The following CCSER1 variants were observed in gnomAD, a reference collection of about 807,000 sequenced individuals.
The protein encoded by CCSER1 is coiled-coil serine rich protein 1, also known as serine-rich coiled-coil domain-containing protein 1.
Under a neutral mutation model 82.0 loss-of-function variants are expected in CCSER1, and 41 were observed. That is an observed-to-expected ratio of 0.50 (90% confidence interval 0.39 to 0.65). The LOEUF is 0.65. Ranked by LOEUF, CCSER1 falls within the 30% of genes least tolerant of loss-of-function variation. The pLI is 0.00. For synonymous variants in CCSER1, 414 were observed against 383.9 expected, an observed-to-expected ratio of 1.08 and a Z score of -0.92; for missense variants, 1,119 against 1,064.2, an observed-to-expected ratio of 1.05 and a Z score of -0.72.
chr4:91,597,633 T>A (rs1764646652), intron 10 of CCSER1, among the ~76,000 whole-genome samples: 1 of 152,112 alleles, frequency 6.6e-6, no homozygotes, highest in South Asian at 2.1e-4. Flanking sequence ...GTAATATTAA[T>A]CAAACAAAAA....
intron 5 of CCSER1, among the ~76,000 whole-genome samples, chr4:90,582,751 C>G (rs903076273): frequency 2.0e-5 from 3 of 152,110 alleles, no homozygotes; most frequent in African/African-American, 4.8e-5. Flanking sequence ...TTTAAAGTAA[C>G]CCTTTTCAGG....
chr4:91,378,759 T>C (rs1750636957), intron 10 of CCSER1, among the ~76,000 whole-genome samples: 1 of 152,182 alleles, frequency 6.6e-6, no homozygotes, highest in South Asian at 2.1e-4. Context: ...TCCTGCCTTA[T>C]TGCCCTGGCC....
At chr4:90,191,865 T>A (rs1338433670) in intron 1 of CCSER1, among the ~76,000 whole-genome samples, 1 of 152,110 alleles carries the variant, frequency 6.6e-6, no homozygotes, top group African/African-American at 2.4e-5. Flanking sequence ...AATGTGTTAA[T>A]CTGTGACTTT....
chr4:91,598,937 C>G lies in CCSER1; in HGVS notation c.2583C>G (p.Gly861=), dbSNP rs747210562. 1.9e-6 allele frequency: 3 copies of G among 1,551,556 alleles called. No homozygotes were observed. The highest frequency in any genetic ancestry group is 2.6e-6 in the Non-Finnish European group (3 of 1,146,896). Residue 861 remains glycine, a synonymous_variant, in exon 11 of 11, where the codon GGC becomes GGG. Transcript: ENST00000509176. The part of the protein sequence containing the change: ...ATARQHSTFT[G]RFGQPPRGPI... ...CCCGACAGCATTCGACCTTTACAGG[C>G]AGGTTTGGACAGCCACCCAGAGGGC...
rs1739008843 is a variant in CCSER1 at position 91,011,581 on chromosome 4, T to C, written c.2173-74369T>C. On this transcript the variant is annotated intron_variant, in intron 9 of 10. Coordinates refer to ENST00000509176, the MANE Select transcript of CCSER1 (RefSeq NM_001145065.2). ...TGACTCTAAGGCACCCCCTGGCAGC[T>C]TGGGCTCAGAGGACCAGGTTGTGTC... Among the ~76,000 whole-genome samples the C allele has an allele frequency of 1.5e-5, 2 of 134,520 alleles. 1 individual carries two copies. Among genetic ancestry groups the C allele is most frequent in the Admixed American group, 1.5e-4 (2 of 13,598 alleles). 88.3% of individuals were successfully genotyped at this position (134,520 alleles called of 152,430 possible). A position where few individuals can be genotyped will look rare whatever the true frequency, so the allele number is the denominator to read the frequency against.
intron 6 of CCSER1, among the ~76,000 whole-genome samples, chr4:90,691,644 T>C (rs1187614225): frequency 1.3e-5 from 2 of 151,950 alleles, no homozygotes; most frequent in East Asian, 1.9e-4. Context: ...ATATCACATG[T>C]ATATATACAC....
intron 5 of CCSER1, among the ~76,000 whole-genome samples, chr4:90,618,747 CATCTT>C (rs1462228370): frequency 3.3e-5 from 5 of 151,844 alleles, no homozygotes; most frequent in Non-Finnish European, 5.9e-5. Flanking sequence ...TGATGATTCT[CATCTT>C]ATTCTGTTAC....
At chr4:90,790,344 T>C (rs1580478719) in intron 7 of CCSER1, among the ~76,000 whole-genome samples, 1 of 152,172 alleles carries the variant, frequency 6.6e-6, no homozygotes, top group Non-Finnish European at 1.5e-5. Flanking sequence ...TAAAACATAA[T>C]TTATTGTTAT....
intron 7 of CCSER1, among the ~76,000 whole-genome samples, chr4:90,763,304 C>T (rs1580354932): frequency 6.6e-6 from 1 of 151,958 alleles, no homozygotes. Context: ...GACTACTAAT[C>T]TTACACAGCC....
intron 5 of CCSER1, among the ~76,000 whole-genome samples, chr4:90,565,771 G>T (rs775283748): frequency 6.6e-6 from 1 of 151,448 alleles, no homozygotes; most frequent in Non-Finnish European, 1.5e-5. Flanking sequence ...TGATTGTGTG[G>T]TTTTTGTCTG....
At chr4:91,523,553 C>A (rs552772287) in intron 10 of CCSER1, among the ~76,000 whole-genome samples, 2 of 152,208 alleles carry the variant, frequency 1.3e-5, no homozygotes, top group Admixed American at 6.5e-5. Context: ...GATTTCAGAG[C>A]CTGTTATTGG....
intron 6 of CCSER1, among the ~76,000 whole-genome samples, chr4:90,708,893 C>T (rs1308162991): frequency 1.3e-5 from 2 of 152,082 alleles, no homozygotes; most frequent in African/African-American, 4.8e-5. Flanking sequence ...CCTCAAACTC[C>T]TCAAGTGGTA....
intron 10 of CCSER1, among the ~76,000 whole-genome samples, chr4:91,176,432 G>A (rs1288206326): frequency 6.6e-6 from 1 of 152,140 alleles, no homozygotes; most frequent in Non-Finnish European, 1.5e-5. Flanking sequence ...CCATTTTCAC[G>A]ATATTGATTC....
In CCSER1 at chr4:90,318,549, G is replaced by A. The variant is rs558843614; in HGVS notation, c.1509+5502G>A. Among the ~76,000 whole-genome samples, 5 of 152,288 alleles carry A rather than the reference G, an allele frequency of 3.3e-5. No homozygotes were observed. In the East Asian group the frequency reaches 9.6e-4, roughly 29 times the overall value. On this transcript the variant is annotated intron_variant, in intron 3 of 10. Transcript: ENST00000509176. ...AGGACTTTGGTAGAAGAACAAATCC[G>A]ATTTATATTTGATTAATAAGAAGTA...
At chr4:90,811,908 TATACAC>T (rs1485905634) in intron 7 of CCSER1, among the ~76,000 whole-genome samples, 26 of 118,472 alleles carry the variant, frequency 2.2e-4, no homozygotes, top group Middle Eastern at 3.8e-3. Flanking sequence ...GGAATATATA[TATACAC>T]ACACACACAC....
intron 5 of CCSER1, among the ~76,000 whole-genome samples, chr4:90,620,251 T>C (rs1722061594): frequency 6.6e-6 from 1 of 152,132 alleles, no homozygotes; most frequent in Non-Finnish European, 1.5e-5. Flanking sequence ...CAAGTGTATT[T>C]AAAAATGTAA....
intron 9 of CCSER1, among the ~76,000 whole-genome samples, chr4:91,032,545 A>G (rs1246781268): frequency 2.0e-5 from 3 of 152,214 alleles, no homozygotes; most frequent in East Asian, 3.8e-4. Flanking sequence ...CATTCTTGTC[A>G]GACTTCAATT....
intron 10 of CCSER1, among the ~76,000 whole-genome samples, chr4:91,471,993 AAAG>A (rs1412112004): frequency 1.3e-5 from 2 of 151,654 alleles, no homozygotes; most frequent in Non-Finnish European, 2.9e-5. Flanking sequence ...AAAAGAAAAA[AAAG>A]AAAAAAACTA....
At chr4:90,332,809 G>C (rs948747623) in intron 3 of CCSER1, among the ~76,000 whole-genome samples, 6 of 152,030 alleles carry the variant, frequency 3.9e-5, no homozygotes, top group African/African-American at 1.2e-4. Flanking sequence ...ACATCAGAAA[G>C]TAAGTATCAA....
Sources: gnomAD v4.1 joint callset for allele counts (sites outside exome capture counted in the v4.1 genomes callset) on GRCh38, gnomAD v4.1.1 for gene constraint, MANE v1.5 for transcripts, NCBI Gene and HGNC (gene_info 2026-07-23, HGNC 2026-07-21) for gene names.